Variants in PGAP1 observed in about 807,000 individuals in gnomAD.
The protein encoded by PGAP1 is post-GPI attachment to proteins inositol deacylase 1, also known as GPI inositol-deacylase.
In PGAP1, 76 loss-of-function variants were observed where a neutral mutation model predicts 127.0. The ratio of observed to expected loss-of-function variants is 0.60; its 90% CI spans 0.50 to 0.72. The LOEUF (loss-of-function observed/expected upper bound fraction) is 0.72, where lower values mean the gene tolerates loss of function less well. PGAP1 is among the 30% of genes least tolerant of loss of function. PGAP1 has a pLI of 0.00. For synonymous variants in PGAP1, 362 were observed against 366.5 expected, an observed-to-expected ratio of 0.99 and a Z score of 0.14; for missense variants, 982 against 1,071.3, an observed-to-expected ratio of 0.92 and a Z score of 1.16.
chr2:196,857,643 A>C (rs1001621421), intron 20 of PGAP1, among the ~76,000 whole-genome samples: 17 of 152,238 alleles, frequency 1.1e-4, no homozygotes, highest in African/African-American at 3.4e-4. Context: ...ACAAACAAAC[A>C]AACCCTGACA....
intron 26 of PGAP1, 49 bp downstream of exon 26, chr2:196,842,672 A>G (rs1325520646): frequency 5.4e-6 from 5 of 924,076 alleles, no homozygotes; most frequent in South Asian, 2.0e-5. Flanking sequence ...ATAAAGGGGG[A>G]AAAAGGCCAA....
intron 23 of PGAP1, 121 bp from the exon 24 acceptor site, chr2:196,844,695 C>A: frequency 1.7e-6 from 1 of 605,138 alleles, no homozygotes; most frequent in Non-Finnish European, 2.8e-6. Context: ...ACCAAAAAGT[C>A]ATTTAAACAT....
intron 7 of PGAP1, among the ~76,000 whole-genome samples, chr2:196,894,283 G>A (rs1702195223): frequency 6.6e-6 from 1 of 152,110 alleles, no homozygotes; most frequent in Non-Finnish European, 1.5e-5. Context: ...CATTCTGATT[G>A]CCTCCCCTGG....
chr2:196,867,888 T>C (rs1054777216), intron 19 of PGAP1, among the ~76,000 whole-genome samples: 1 of 152,162 alleles, frequency 6.6e-6, no homozygotes, highest in Non-Finnish European at 1.5e-5. Context: ...TTGTGACTTA[T>C]AGTTTACAGC....
intron 1 of PGAP1, among the ~76,000 whole-genome samples, chr2:196,925,577 T>C (rs1172518449): frequency 3.3e-5 from 5 of 152,220 alleles, no homozygotes; most frequent in Non-Finnish European, 7.3e-5. Context: ...AATGAAATTC[T>C]AGATCCTACT....
At chr2:196,864,219 A>AT (rs1441336120) in intron 20 of PGAP1, among the ~76,000 whole-genome samples, 13 of 151,634 alleles carry the variant, frequency 8.6e-5, no homozygotes, top group Non-Finnish European at 1.5e-4. Flanking sequence ...GTGAAACCCC[A>AT]TCTCTACTAA....
chr2:196,897,714 AG>A (rs1702332916), intron 6 of PGAP1, among the ~76,000 whole-genome samples: 1 of 152,230 alleles, frequency 6.6e-6, no homozygotes, highest in South Asian at 2.1e-4. Context: ...CCAAAAGTGC[AG>A]TTGATTCCAC....
At chr2:196,918,935 C>T (rs1703096910) in intron 2 of PGAP1, among the ~76,000 whole-genome samples, 1 of 152,176 alleles carries the variant, frequency 6.6e-6, no homozygotes, top group Non-Finnish European at 1.5e-5. Flanking sequence ...AACAGTTTCT[C>T]ATTCAAAGTC....
rs1291630272 is a variant in PGAP1, at chr2:196,833,720, C to T, written c.*7514G>A. 6.6e-6 allele frequency: 1 copy of T among 151,952 alleles called. No individual in the cohort carries two copies. The highest frequency in any genetic ancestry group is 1.9e-4 in the East Asian group (1 of 5,200). The allele number at this position is 151,952 out of a possible 1,614,324, so 9.4% of individuals were successfully genotyped here. ...GAAAACAATGTGTTGAGTTTACTTT[C>T]AAAATTGAAATTGAAAAATATACAA... On this transcript the variant is annotated 3_prime_UTR_variant, in exon 27 of 27. Transcript: ENST00000354764.
chr2:196,897,235 T>A (rs1156455518), intron 6 of PGAP1, 38 bp from the exon 7 acceptor site: 2 of 1,263,932 alleles, frequency 1.6e-6, no homozygotes, highest in East Asian at 2.5e-5. Context: ...AAAACTTTCT[T>A]AAAACATATA....
chr2:196,840,480 C>T lies in PGAP1; in HGVS notation c.*754G>A, dbSNP rs563534422. ...TCCAATACCAGGAAGCAAATAGCTA[C>T]GAGCATTTTTTCTTTACATTTAACA... On this transcript the variant is annotated 3_prime_UTR_variant, in exon 27 of 27. Coordinates refer to ENST00000354764, the MANE Select transcript of PGAP1 (RefSeq NM_024989.4). 1 of 152,030 alleles carries T rather than the reference C, an allele frequency of 6.6e-6. No individual in the cohort carries two copies. The highest frequency in any genetic ancestry group is 1.5e-5 in the Non-Finnish European group (1 of 68,000). 9.4% of individuals were successfully genotyped at this position (152,030 alleles called of 1,614,324 possible).
rs1438204187 is a variant in PGAP1 at position 196,844,592 on chromosome 2, C to T, written c.2287-18G>A. The stretch of plus-strand genomic sequence containing the variant: ...TGAACAACCTAAGAAAAATAAATTG[C>T]TCTTTAATTTTACTTTTATTTTGAA... On this transcript the variant is annotated intron_variant, in intron 23 of 26. Transcript: ENST00000354764. 15 of 1,561,302 alleles carry T rather than the reference C, an allele frequency of 9.6e-6. No homozygotes were observed. The highest frequency in any genetic ancestry group is 1.2e-5 in the Non-Finnish European group (14 of 1,150,316).
rs1339585948 is a variant in PGAP1, at chr2:196,836,117, T to C, written c.*5117A>G. Reference sequence around the variant, plus strand: ...ACACACCAACAGATACAGTTTTTCATAAGTGTTCAAAGTTACAATGTACAG... The same window carrying C: ...ACACACCAACAGATACAGTTTTTCACAAGTGTTCAAAGTTACAATGTACAG... On this transcript the variant is annotated 3_prime_UTR_variant, in exon 27 of 27. Transcript: ENST00000354764. 1 of 152,408 alleles carries C rather than the reference T, an allele frequency of 6.6e-6. No individual in the cohort carries two copies. Among genetic ancestry groups the C allele is most frequent in the Non-Finnish European group, 1.5e-5 (1 of 67,926 alleles). 9.4% of individuals were successfully genotyped at this position (152,408 alleles called of 1,614,324 possible). A position where few individuals can be genotyped will look rare whatever the true frequency, so the allele number is the denominator to read the frequency against.
At chr2:196,845,288 C>T (rs914140656) in intron 23 of PGAP1, among the ~76,000 whole-genome samples, 1 of 151,168 alleles carries the variant, frequency 6.6e-6, no homozygotes, top group Non-Finnish European at 1.5e-5. Context: ...GAATTATCCA[C>T]TCTGATGTCA....
At position 196,926,495 on chromosome 2, in the gene PGAP1, T is replaced by G. The variant is rs1559377506; in HGVS notation, c.122A>C (p.Tyr41Ser). 1 of 1,614,080 alleles carries G rather than the reference T, an allele frequency of 6.2e-7. No individual in the cohort carries two copies. Among genetic ancestry groups the G allele is most frequent in the Middle Eastern group, 1.6e-4 (1 of 6,062 alleles). The change falls in exon 1 of 27, where the codon TAC (tyrosine) becomes TCC (serine). Residue 41 changes from tyrosine to serine, a missense_variant. Coordinates refer to ENST00000354764, the MANE Select transcript of PGAP1 (RefSeq NM_024989.4). ...CTGATACTCCGGGTACTCAAACATG[T>G]AGCTCATACTGCACTTATTCTCCTC... ...GFEENKCSMS[Y>S]MFEYPEYQKI...
At chr2:196,847,903 T>A (rs1296867453) in intron 21 of PGAP1, 44 bp downstream of exon 21, 1 of 1,351,904 alleles carries the variant, frequency 7.4e-7, no homozygotes, top group Non-Finnish European at 1.0e-6. Context: ...TAATGTTACA[T>A]GTAAAACACA....
At chr2:196,866,153 A>T (rs1701233984) in intron 19 of PGAP1, among the ~76,000 whole-genome samples, 1 of 152,162 alleles carries the variant, frequency 6.6e-6, no homozygotes, top group South Asian at 2.1e-4. Flanking sequence ...AAAAAGAGCC[A>T]GCATAGCCAA....
chr2:196,858,091 T>G (rs1376055200), intron 20 of PGAP1, among the ~76,000 whole-genome samples: 2 of 151,696 alleles, frequency 1.3e-5, no homozygotes, highest in Non-Finnish European at 2.9e-5. Flanking sequence ...GAAAACTCTT[T>G]AAAATTTTTT....
intron 22 of PGAP1, among the ~76,000 whole-genome samples, chr2:196,846,566 T>C (rs142559624): frequency 2.7e-3 from 406 of 152,294 alleles, no homozygotes; most frequent in Admixed American, 6.8e-3. Flanking sequence ...TCAAACTGTG[T>C]CATTGGGCCC....
Sources: gnomAD v4.1 joint callset for allele counts (sites outside exome capture counted in the v4.1 genomes callset) on GRCh38, gnomAD v4.1.1 for gene constraint, MANE v1.5 for transcripts, NCBI Gene and HGNC (gene_info 2026-07-23, HGNC 2026-07-21) for gene names.